Variants in SGCZ observed in about 807,000 individuals in gnomAD.
SGCZ encodes the protein zeta-sarcoglycan.
In SGCZ, 40 loss-of-function variants were observed where a neutral mutation model predicts 41.3. The observed-to-expected ratio is 0.97, with a 90% CI of 0.75 to 1.26. SGCZ has a LOEUF of 1.26. Ranked by LOEUF, SGCZ falls within the 50% of genes most tolerant of loss-of-function variation. The probability of loss-of-function intolerance (pLI) is 0.00; values close to 1 mark genes in which losing one functional copy is unlikely to be tolerated. For synonymous variants in SGCZ, 206 were observed against 137.5 expected (o/e 1.50, Z -3.49); for missense variants, 552 against 369.8 (o/e 1.49, Z -4.04).
intron 1 of SGCZ, among the ~76,000 whole-genome samples, chr8:14,843,254 T>C (rs1802988230): frequency 1.3e-5 from 2 of 152,238 alleles, no homozygotes; most frequent in South Asian, 2.1e-4. Flanking sequence ...TACATAGATA[T>C]TTTATTTGCA....
chr8:15,210,907 C>A (rs957259136), intron 1 of SGCZ, among the ~76,000 whole-genome samples: 1 of 151,974 alleles, frequency 6.6e-6, no homozygotes, highest in East Asian at 1.9e-4. Context: ...ATTTCAATAT[C>A]TTTGCCTCCT....
At chr8:14,880,302 A>T (rs111449525) in intron 1 of SGCZ, among the ~76,000 whole-genome samples, 9,984 of 152,214 alleles carry the variant, frequency 0.066, 1,022 homozygotes, top group African/African-American at 0.22. Context: ...GTCAAGAAAC[A>T]ACAGGTGCTG....
chr8:15,117,159 C>G (rs935455132), intron 1 of SGCZ, among the ~76,000 whole-genome samples: 2 of 152,166 alleles, frequency 1.3e-5, no homozygotes, highest in South Asian at 4.1e-4. Context: ...ATAACGAGGT[C>G]AGGAGATCGA....
At chr8:14,695,607 G>T (rs1410528906) in intron 1 of SGCZ, among the ~76,000 whole-genome samples, 1 of 152,012 alleles carries the variant, frequency 6.6e-6, no homozygotes, top group Non-Finnish European at 1.5e-5. Flanking sequence ...AACATGGCTA[G>T]AGAGTTTGAT....
intron 1 of SGCZ, among the ~76,000 whole-genome samples, chr8:15,021,324 G>GA (rs1490390274): frequency 6.6e-6 from 1 of 152,206 alleles, no homozygotes; most frequent in East Asian, 1.9e-4. Context: ...TCTACAACTG[G>GA]AAAAAAATAT....
chr8:14,843,141 G>A (rs1211060864), intron 1 of SGCZ, among the ~76,000 whole-genome samples: 3 of 152,176 alleles, frequency 2.0e-5, no homozygotes, highest in African/African-American at 4.8e-5. Context: ...GAACCCAGGA[G>A]GTGGAGGTTG....
At chr8:14,134,228 G>A (rs972714194) in intron 5 of SGCZ, among the ~76,000 whole-genome samples, 5 of 152,222 alleles carry the variant, frequency 3.3e-5, no homozygotes, top group East Asian at 1.9e-4. Context: ...TTAGATAATA[G>A]ATATGTGAAA....
intron 1 of SGCZ, among the ~76,000 whole-genome samples, chr8:14,588,982 A>G (rs1477217000): frequency 3.3e-5 from 5 of 152,242 alleles, no homozygotes; most frequent in East Asian, 3.9e-4. Context: ...GATGAGTACA[A>G]TGAATTTTTT....
intron 1 of SGCZ, among the ~76,000 whole-genome samples, chr8:15,081,109 T>A (rs1348000591): frequency 6.6e-6 from 1 of 152,136 alleles, no homozygotes; most frequent in African/African-American, 2.4e-5. Context: ...GCATGCTACT[T>A]TGTATGGCAA....
chr8:14,455,825 T>G (rs1800727720), intron 2 of SGCZ, among the ~76,000 whole-genome samples: 3 of 152,168 alleles, frequency 2.0e-5, no homozygotes, highest in African/African-American at 7.2e-5. Flanking sequence ...GTAGGATATA[T>G]TATTGTGAAA....
At chr8:14,716,349 T>G (rs1393218718) in intron 1 of SGCZ, among the ~76,000 whole-genome samples, 2 of 152,046 alleles carry the variant, frequency 1.3e-5, no homozygotes, top group African/African-American at 4.8e-5. Flanking sequence ...AATTTTTCCA[T>G]GCGCACACAC....
chr8:14,754,359 T>C (rs1002821286), intron 1 of SGCZ, among the ~76,000 whole-genome samples: 7 of 152,194 alleles, frequency 4.6e-5, no homozygotes, highest in Admixed American at 2.0e-4. Flanking sequence ...AACCTCTCTC[T>C]GTTTTTCTTC....
chr8:14,710,389 A>G (rs1023537341), intron 1 of SGCZ, among the ~76,000 whole-genome samples: 1 of 151,238 alleles, frequency 6.6e-6, no homozygotes, highest in Non-Finnish European at 1.5e-5. Context: ...AAAAAAAAAA[A>G]AAGAATAAAT....
Position 14,265,838 on chromosome 8 carries a change from C to T in SGCZ, c.337-28159G>A, listed in dbSNP as rs142077088. Among the ~76,000 whole-genome samples, 143 of 148,802 alleles carry T rather than the reference C, an allele frequency of 9.6e-4. 5 individuals are homozygous for T. In the East Asian group the frequency reaches 0.016, roughly 16 times the overall value. On this transcript the variant is annotated intron_variant, in intron 3 of 7. Coordinates refer to ENST00000382080, the MANE Select transcript of SGCZ (RefSeq NM_139167.4). Reference sequence around the variant, plus strand: ...GACTTGAAAATTACAATAAGCCAAACGAAAAATACAGTAAAGAGCATCAAT... The same window carrying T: ...GACTTGAAAATTACAATAAGCCAAATGAAAAATACAGTAAAGAGCATCAAT...
At chr8:14,278,482 C>T (rs1366213968) in intron 3 of SGCZ, among the ~76,000 whole-genome samples, 1 of 152,056 alleles carries the variant, frequency 6.6e-6, no homozygotes. Flanking sequence ...TGCAGAGAAG[C>T]CATGTTGTGA....
chr8:15,050,605 G>T, intron 1 of SGCZ, among the ~76,000 whole-genome samples: 1 of 152,258 alleles, frequency 6.6e-6, no homozygotes, highest in East Asian at 1.9e-4. Flanking sequence ...AATAACCTGT[G>T]CAGAGGAGTG....
At chr8:14,702,925 GTAGATAGA>G (rs1159190492) in intron 1 of SGCZ, among the ~76,000 whole-genome samples, 5,044 of 125,934 alleles carry the variant, frequency 0.04, 134 homozygotes, top group Middle Eastern at 0.057. Flanking sequence ...AGTTAGGTAG[GTAGATAGA>G]TAGATAGATA....
intron 1 of SGCZ, among the ~76,000 whole-genome samples, chr8:14,724,646 T>A (rs1425874057): frequency 6.6e-6 from 1 of 151,442 alleles, no homozygotes; most frequent in African/African-American, 2.4e-5. Context: ...CAAGCGTTTC[T>A]CTTTCACCTA....
At chr8:14,620,893 G>T (rs1326181392) in intron 1 of SGCZ, among the ~76,000 whole-genome samples, 3 of 152,086 alleles carry the variant, frequency 2.0e-5, no homozygotes, top group African/African-American at 7.2e-5. Context: ...GTTCCTCAAG[G>T]ATCTAGAATT....
Sources: gnomAD v4.1 joint callset for allele counts (sites outside exome capture counted in the v4.1 genomes callset) on GRCh38, gnomAD v4.1.1 for gene constraint, MANE v1.5 for transcripts, NCBI Gene and HGNC (gene_info 2026-07-23, HGNC 2026-07-21) for gene names.